Variants in MAP2 observed in about 807,000 individuals in gnomAD.
MAP2 encodes the protein microtubule associated protein 2.
A neutral mutation model predicts 137.6 loss-of-function variants in MAP2; 14 were observed. That is an observed-to-expected ratio of 0.10 (90% CI 0.07 to 0.16). The LOEUF (loss-of-function observed/expected upper bound fraction) is 0.16. MAP2 is among the 10% of genes least tolerant of loss of function. The pLI, the probability that MAP2 is intolerant of heterozygous loss-of-function variation, is 1.00. For missense variants in MAP2, 2,088 were observed against 2,191.5 expected (o/e 0.95, Z 0.94); for synonymous variants, 786 against 782.3 (o/e 1.00, Z -0.08).
chr2:209,620,196 G>A (rs2090716834), intron 3 of MAP2, among the ~76,000 whole-genome samples: 1 of 152,088 alleles, frequency 6.6e-6, no homozygotes, highest in South Asian at 2.1e-4. Context: ...TCACCTACTT[G>A]TATACTATTT....
At chr2:209,675,358 C>A (rs1426981911) in intron 5 of MAP2, among the ~76,000 whole-genome samples, 1 of 151,740 alleles carries the variant, frequency 6.6e-6, no homozygotes, top group Non-Finnish European at 1.5e-5. Context: ...AACAACAAAA[C>A]CAGTAAAATT....
chr2:209,533,507 T>G (rs1385399782), intron 2 of MAP2, among the ~76,000 whole-genome samples: 1 of 152,214 alleles, frequency 6.6e-6, no homozygotes, highest in Non-Finnish European at 1.5e-5. Flanking sequence ...TACAGAACAG[T>G]GTAAAGAAAC....
rs532705414 is a variant in MAP2 at position 209,589,737 on chromosome 2, T to C, written c.-107+9637T>C. ...TTTGAAAGAAGGATAAATTAATAAT[T>C]CATTGTTCAGTTCTGAGTTCCACAG... On this transcript the variant is annotated intron_variant, in intron 3 of 15. Coordinates refer to ENST00000682079, the MANE Select transcript of MAP2 (RefSeq NM_001375505.1). 1.7e-3 allele frequency among the ~76,000 whole-genome samples: 258 copies of C among 152,310 alleles called. 3 individuals carry two copies. The South Asian group carries it at 0.027, about 16-fold the overall frequency.
chr2:209,528,846 ATG>A (rs543917768), intron 2 of MAP2, among the ~76,000 whole-genome samples: 174 of 146,266 alleles, frequency 1.2e-3, no homozygotes, highest in African/African-American at 2.1e-3. Flanking sequence ...ATGTATATAT[ATG>A]TGTGTGTGTA....
At chr2:209,436,025 A>AAT (rs1427257422) in intron 1 of MAP2, among the ~76,000 whole-genome samples, 22 of 77,290 alleles carry the variant, frequency 2.8e-4, no homozygotes, top group South Asian at 9.0e-4. Flanking sequence ...TTATATATAA[A>AAT]ATATATATAT....
intron 3 of MAP2, among the ~76,000 whole-genome samples, chr2:209,588,697 G>A (rs745677947): frequency 8.5e-5 from 13 of 152,074 alleles, no homozygotes; most frequent in East Asian, 5.8e-4. Flanking sequence ...GCATGCAAGC[G>A]TTAAGGATTC....
At chr2:209,643,647 T>C (rs2094198155) in intron 4 of MAP2, among the ~76,000 whole-genome samples, 1 of 152,214 alleles carries the variant, frequency 6.6e-6, no homozygotes, top group African/African-American at 2.4e-5. Context: ...CGAAAGACGA[T>C]TTGAAAATGC....
At chr2:209,460,975 C>T (rs555201500) in intron 1 of MAP2, among the ~76,000 whole-genome samples, 3 of 152,230 alleles carry the variant, frequency 2.0e-5, no homozygotes, top group African/African-American at 7.2e-5. Context: ...TCTTGAACTC[C>T]TGGCCTCAAG....
intron 2 of MAP2, among the ~76,000 whole-genome samples, chr2:209,564,392 T>C (rs2072905737): frequency 6.6e-6 from 1 of 151,872 alleles, no homozygotes; most frequent in Non-Finnish European, 1.5e-5. Context: ...TTTTGAATCA[T>C]TTATGCTAGT....
intron 13 of MAP2, among the ~76,000 whole-genome samples, chr2:209,718,102 C>T (rs1435912311): frequency 6.6e-6 from 1 of 152,102 alleles, no homozygotes; most frequent in Non-Finnish European, 1.5e-5. Flanking sequence ...TGTCTTTATG[C>T]AATAGAATTT....
intron 3 of MAP2, among the ~76,000 whole-genome samples, chr2:209,593,914 TTATATTATTAAAATATATAAA>T (rs2080435797): frequency 7.6e-6 from 1 of 131,052 alleles, no homozygotes; most frequent in Non-Finnish European, 1.6e-5. Context: ...AAGTATATAT[TTATATTATTAAAATATATAAA>T]TATATATTTA....
chr2:209,496,453 A>G (rs757696286), intron 1 of MAP2, among the ~76,000 whole-genome samples: 2 of 152,202 alleles, frequency 1.3e-5, no homozygotes, highest in East Asian at 1.9e-4. Context: ...CTCTGACCCT[A>G]TAGCCCTATA....
intron 2 of MAP2, among the ~76,000 whole-genome samples, chr2:209,511,207 A>T (rs866676018): frequency 6.6e-6 from 1 of 152,190 alleles, no homozygotes; most frequent in Admixed American, 6.6e-5. Context: ...CAAAATCAAA[A>T]GTTAAAAAGA....
intron 1 of MAP2, among the ~76,000 whole-genome samples, chr2:209,498,028 A>G (rs2059956536): frequency 6.6e-6 from 1 of 152,226 alleles, no homozygotes. Flanking sequence ...ATTCAAAAGT[A>G]CAAAGCCTCA....
intron 2 of MAP2, among the ~76,000 whole-genome samples, chr2:209,525,677 A>G (rs1267002877): frequency 6.6e-6 from 1 of 152,188 alleles, no homozygotes; most frequent in African/African-American, 2.4e-5. Flanking sequence ...AAGCTTTACC[A>G]AAAGAATCCC....
At chr2:209,458,527 A>C (rs866364351) in intron 1 of MAP2, among the ~76,000 whole-genome samples, 21 of 152,338 alleles carry the variant, frequency 1.4e-4, no homozygotes, top group African/African-American at 5.1e-4. Flanking sequence ...ACTCATTCAC[A>C]GTAAGAGGTC....
chr2:209,682,105 A>G lies in MAP2; in HGVS notation c.454+1278A>G, dbSNP rs139513556. ...GGTTTGAAAAGTTCCTTTTGACCTT[A>G]TGTTTATCCATTCACTGGGCACATA... On this transcript the variant is annotated intron_variant, in intron 7 of 15. Coordinates refer to ENST00000682079, the MANE Select transcript of MAP2 (RefSeq NM_001375505.1). 6.6e-5 allele frequency among the ~76,000 whole-genome samples: 10 copies of G among 152,230 alleles called. No homozygotes were observed. The East Asian group carries it at 1.9e-3, about 29-fold the overall frequency.
chr2:209,456,895 T>G (rs1016962426), intron 1 of MAP2, among the ~76,000 whole-genome samples: 1 of 152,160 alleles, frequency 6.6e-6, no homozygotes, highest in South Asian at 2.1e-4. Context: ...TGTGTCATGG[T>G]CTTTGTTATA....
At chr2:209,542,179 T>G (rs1410409228) in intron 2 of MAP2, among the ~76,000 whole-genome samples, 1 of 152,248 alleles carries the variant, frequency 6.6e-6, no homozygotes, top group Non-Finnish European at 1.5e-5. Context: ...CCATTAGAGC[T>G]TTTGGGTGAC....
Sources: gnomAD v4.1 joint callset for allele counts (sites outside exome capture counted in the v4.1 genomes callset) on GRCh38, gnomAD v4.1.1 for gene constraint, MANE v1.5 for transcripts, NCBI Gene and HGNC (gene_info 2026-07-23, HGNC 2026-07-21) for gene names.